UGGT2: variants seen among roughly 807,000 people sequenced by gnomAD.
UGGT2 encodes the protein UDP-glucose glycoprotein glucosyltransferase 2.
Under a neutral mutation model 192.1 loss-of-function variants are expected in UGGT2, and 180 were observed. The ratio of observed to expected loss-of-function variants is 0.94; its 90% confidence interval spans 0.83 to 1.06. UGGT2 has a LOEUF of 1.06. UGGT2 is among the 50% of genes least tolerant of loss of function. The probability of loss-of-function intolerance (pLI) is 0.00; values close to 1 mark genes in which losing one functional copy is unlikely to be tolerated. For missense variants in UGGT2, 1,849 were observed against 1,795.7 expected, an observed-to-expected ratio of 1.03 and a Z score of -0.54; for synonymous variants, 580 against 591.0, an observed-to-expected ratio of 0.98 and a Z score of 0.27.
intron 28 of UGGT2, 115 bp downstream of exon 28, chr13:95,877,583 G>T: frequency 1.6e-6 from 2 of 1,251,818 alleles, no homozygotes; most frequent in Non-Finnish European, 1.1e-6. Flanking sequence ...ATTCAATTTT[G>T]TTTTCTGCAA....
intron 21 of UGGT2, among the ~76,000 whole-genome samples, chr13:95,901,487 A>G (rs2048103557): frequency 6.6e-6 from 1 of 152,160 alleles, no homozygotes; most frequent in Non-Finnish European, 1.5e-5. Context: ...ATACTAAGGT[A>G]CATTTCTCTC....
At chr13:96,013,549 T>G in intron 4 of UGGT2, 68 bp from the exon 5 acceptor site, 1 of 1,080,672 alleles carries the variant, frequency 9.3e-7, no homozygotes, top group Non-Finnish European at 1.2e-6. Flanking sequence ...TTCTGTATAA[T>G]TACTGCTTAT....
chr13:95,886,595 T>G (rs971535790), intron 26 of UGGT2, among the ~76,000 whole-genome samples: 1 of 152,198 alleles, frequency 6.6e-6, no homozygotes, highest in Non-Finnish European at 1.5e-5. Flanking sequence ...TGTGATAAAA[T>G]TTAAAATACA....
At chr13:95,983,904 A>G (rs1426121304) in intron 9 of UGGT2, 40 bp from the exon 10 acceptor site, 3 of 1,407,726 alleles carry the variant, frequency 2.1e-6, no homozygotes, top group Non-Finnish European at 1.9e-6. Context: ...CCTTCCTTAA[A>G]TGTTTAGAAC....
At chr13:95,806,052 A>AC (rs1884290425) in intron 38 of UGGT2, among the ~76,000 whole-genome samples, 1 of 148,272 alleles carries the variant, frequency 6.7e-6, no homozygotes, top group Non-Finnish European at 1.5e-5. Flanking sequence ...AAAAAAAAAA[A>AC]CACACAGTGG....
At chr13:96,001,960 T>C (rs567696837) in intron 5 of UGGT2, among the ~76,000 whole-genome samples, 46 of 152,344 alleles carry the variant, frequency 3.0e-4, no homozygotes, top group African/African-American at 1.0e-3. Context: ...CTGTAAGAAT[T>C]ACAGAATAAT....
chr13:95,907,572 G>A lies in UGGT2; in HGVS notation c.2296-4512C>T, dbSNP rs1018209611. Among the ~76,000 whole-genome samples, 8 of 152,330 alleles carry A rather than the reference G, an allele frequency of 5.3e-5. 1 individual carries two copies. The East Asian group carries it at 1.5e-3, about 29-fold the overall frequency. Reference sequence around the variant, plus strand: ...GAAGGATCAGGCAGCAATATTTGCTGTTCTGCAGCCTCCGCTGGTGATACC... The same window carrying A: ...GAAGGATCAGGCAGCAATATTTGCTATTCTGCAGCCTCCGCTGGTGATACC... On this transcript the variant is annotated intron_variant, in intron 20 of 38. Coordinates refer to ENST00000376747, the MANE Select transcript of UGGT2 (RefSeq NM_020121.4).
rs2047582899 is a variant in UGGT2, at chr13:95,884,345, G to C, written c.3228+146C>G. 1.1e-5 allele frequency: 7 copies of C among 636,934 alleles called. No homozygotes were observed. In the African/African-American group the frequency reaches 1.1e-4, roughly 10 times the overall value. 39.5% of individuals were successfully genotyped at this position (636,934 alleles called of 1,614,324 possible). A position where few individuals can be genotyped will look rare whatever the true frequency, so the allele number is the denominator to read the frequency against. On this transcript the variant is annotated intron_variant, in intron 27 of 38. Coordinates refer to ENST00000376747, the MANE Select transcript of UGGT2 (RefSeq NM_020121.4). ...AAATTAGAAAAACTTAAAAATCAAAGGAAAGATTGGATCAGGACCTAGAAT... is the reference window on the plus strand; with the variant it reads ...AAATTAGAAAAACTTAAAAATCAAACGAAAGATTGGATCAGGACCTAGAAT...
At chr13:95,871,443 G>A (rs930888624) in intron 29 of UGGT2, among the ~76,000 whole-genome samples, 3 of 152,188 alleles carry the variant, frequency 2.0e-5, no homozygotes, top group African/African-American at 7.2e-5. Flanking sequence ...GAGGACGGAA[G>A]GGGAAGAGTA....
chr13:95,937,730 G>C (rs1477334451), intron 16 of UGGT2, among the ~76,000 whole-genome samples: 4 of 152,110 alleles, frequency 2.6e-5, no homozygotes, highest in Non-Finnish European at 5.9e-5. Context: ...TTCTTTTAGG[G>C]AGTCATACTA....
intron 7 of UGGT2, among the ~76,000 whole-genome samples, chr13:95,992,076 T>C (rs917484717): frequency 1.3e-5 from 2 of 152,176 alleles, no homozygotes; most frequent in South Asian, 4.2e-4. Context: ...GGCAGGAGAA[T>C]TGCTTGAACC....
chr13:95,832,714 T>G (rs1459978738), intron 38 of UGGT2: 1 of 651,850 alleles, frequency 1.5e-6, no homozygotes, highest in South Asian at 1.4e-5. Flanking sequence ...TATAGAGTTA[T>G]GAGCTGAAGC....
At chr13:95,967,071 T>C (rs1176351023) in intron 12 of UGGT2, among the ~76,000 whole-genome samples, 3 of 152,178 alleles carry the variant, frequency 2.0e-5, no homozygotes, top group Non-Finnish European at 4.4e-5. Context: ...TTTTTTTCCA[T>C]TTCCCACTGT....
At chr13:95,926,992 C>T (rs1482523877) in intron 19 of UGGT2, 36 bp downstream of exon 19, 8 of 1,540,286 alleles carry the variant, frequency 5.2e-6, no homozygotes, top group Admixed American at 4.2e-5. Flanking sequence ...GTTTCTATCA[C>T]TTTAAGAATT....
At chr13:95,981,637 T>C (rs979613220) in intron 10 of UGGT2, among the ~76,000 whole-genome samples, 7 of 152,186 alleles carry the variant, frequency 4.6e-5, no homozygotes, top group Non-Finnish European at 8.8e-5. Context: ...AAGACCATTA[T>C]TACTTCTTTT....
intron 20 of UGGT2, among the ~76,000 whole-genome samples, chr13:95,924,392 GCTTTTTTTTTT>G (rs2048947825): frequency 2.3e-5 from 1 of 43,454 alleles, no homozygotes; most frequent in South Asian, 7.5e-4. Context: ...ATCCCAAACA[GCTTTTTTTTTT>G]TTTTTTTTTT....
chr13:95,937,502 A>G (rs548006096), intron 16 of UGGT2, among the ~76,000 whole-genome samples: 1 of 152,364 alleles, frequency 6.6e-6, no homozygotes, highest in East Asian at 1.9e-4. Context: ...ATTTATCGGC[A>G]TCAGAGACTT....
At chr13:95,898,274 A>G (rs1049840751) in intron 22 of UGGT2, among the ~76,000 whole-genome samples, 4 of 152,146 alleles carry the variant, frequency 2.6e-5, no homozygotes, top group Admixed American at 1.3e-4. Flanking sequence ...AGAACTATGC[A>G]CTTCCCAACT....
chr13:95,972,708 G>T (rs371435785), intron 10 of UGGT2, 37 bp from the exon 11 acceptor site: 3 of 1,471,332 alleles, frequency 2.0e-6, no homozygotes, highest in South Asian at 1.2e-5. Flanking sequence ...ACCAGTGATA[G>T]AACAATAGTG....
Sources: allele counts gnomAD v4.1 joint callset (sites outside exome capture counted in the v4.1 genomes callset), GRCh38; gene constraint gnomAD v4.1.1; transcripts MANE v1.5; gene names NCBI Gene and HGNC (gene_info 2026-07-23, HGNC 2026-07-21).